Variants in NHEJ1 observed in about 807,000 individuals in gnomAD.
NHEJ1 encodes the protein non-homologous end-joining factor 1.
Under a neutral mutation model 39.4 loss-of-function variants are expected in NHEJ1, and 22 were observed. That is an observed-to-expected ratio of 0.56 (90% CI 0.40 to 0.80). The LOEUF is 0.80. Ranked by LOEUF, NHEJ1 falls within the 30% of genes least tolerant of loss-of-function variation. The probability of loss-of-function intolerance (pLI) is 0.00; values close to 1 mark genes in which losing one functional copy is unlikely to be tolerated. For synonymous variants in NHEJ1, 154 were observed against 135.6 expected (o/e 1.14, Z -0.94); for missense variants, 329 against 357.1 (o/e 0.92, Z 0.63).
In NHEJ1 at chr2:219,070,723, C is replaced by T. The variant is rs989721546; in HGVS notation, c.*5658G>A. On this transcript the variant is annotated 3_prime_UTR_variant, in exon 8 of 8. Transcript: ENST00000356853. ...TCAAAATACCATTGTACAGCTTATC[C>T]TTCTGAAATGATCTATTCCCTTTGT... 6.6e-6 allele frequency among the ~76,000 whole-genome samples: 1 copy of T among 151,870 alleles called. No individual in the cohort carries two copies. The highest frequency in any genetic ancestry group is 2.4e-5 in the African/African-American group (1 of 41,348).
chr2:219,091,214 C>G (rs10197172), intron 5 of NHEJ1, among the ~76,000 whole-genome samples: 15,938 of 152,070 alleles, frequency 0.1, 844 homozygotes, highest in East Asian at 0.14. Flanking sequence ...TAGATAGGAG[C>G]CTTTGGCTGC....
intron 5 of NHEJ1, among the ~76,000 whole-genome samples, chr2:219,116,518 G>A (rs1574721848): frequency 6.6e-6 from 1 of 152,114 alleles, no homozygotes; most frequent in South Asian, 2.1e-4. Flanking sequence ...CACCACACCT[G>A]GCTAATTTTT....
At position 219,147,857 on chromosome 2, in the gene NHEJ1, T is replaced by G; in HGVS notation, c.391-62A>C. ...TTATAAAGTACTTTCCAATTCAGTA[T>G]TAGGTACCAGAAAAAATACCGAAAA... On this transcript the variant is annotated intron_variant, in intron 3 of 7. Transcript: ENST00000356853. The G allele has an allele frequency of 7.2e-6, 11 of 1,534,648 alleles. 1 individual carries two copies. In the South Asian group the frequency reaches 1.2e-4, roughly 17 times the overall value.
At position 219,072,953 on chromosome 2, in the gene NHEJ1, C is replaced by G. The variant is rs891196468; in HGVS notation, c.*3428G>C. On this transcript the variant is annotated 3_prime_UTR_variant, in exon 8 of 8. Transcript: ENST00000356853. The stretch of plus-strand genomic sequence containing the variant: ...AGCTTTGTACAGAGTACACAAGGGG[C>G]CCCTGCTTATCTCCCAACAAACGTG... 9.2e-5 allele frequency among the ~76,000 whole-genome samples: 14 copies of G among 152,156 alleles called. No individual in the cohort carries two copies. Among genetic ancestry groups the G allele is most frequent in the African/African-American group, 3.4e-4 (14 of 41,428 alleles).
chr2:219,116,942 C>T (rs567008103), intron 5 of NHEJ1, among the ~76,000 whole-genome samples: 1 of 152,212 alleles, frequency 6.6e-6, no homozygotes, highest in East Asian at 1.9e-4. Context: ...CATGTCACAG[C>T]CTGCAGTGAA....
intron 5 of NHEJ1, among the ~76,000 whole-genome samples, chr2:219,119,028 A>C (rs941054376): frequency 6.6e-6 from 1 of 152,198 alleles, no homozygotes; most frequent in Non-Finnish European, 1.5e-5. Context: ...CTCAGGACCA[A>C]CAAACCTCTA....
At chr2:219,106,382 A>C (rs947949567) in intron 5 of NHEJ1, among the ~76,000 whole-genome samples, 1 of 152,216 alleles carries the variant, frequency 6.6e-6, no homozygotes, top group Non-Finnish European at 1.5e-5. Context: ...GTCTGAGACT[A>C]GACATGATAA....
chr2:219,110,345 G>A (rs1011872367), intron 5 of NHEJ1, among the ~76,000 whole-genome samples: 4 of 151,850 alleles, frequency 2.6e-5, no homozygotes, highest in Non-Finnish European at 5.9e-5. Context: ...GAAAAATCCC[G>A]TCTCTACAAA....
chr2:219,154,733 C>A (rs1949833314), intron 3 of NHEJ1, among the ~76,000 whole-genome samples: 1 of 151,834 alleles, frequency 6.6e-6, no homozygotes, highest in African/African-American at 2.4e-5. Context: ...AATCTAATTT[C>A]TTCCTATGGC....
chr2:219,115,592 ACT>A (rs773049132), intron 5 of NHEJ1, among the ~76,000 whole-genome samples: 1 of 152,156 alleles, frequency 6.6e-6, no homozygotes, highest in Non-Finnish European at 1.5e-5. Context: ...AACAGATATA[ACT>A]CTGACCTAAA....
chr2:219,137,496 C>T (rs931743493), intron 5 of NHEJ1, among the ~76,000 whole-genome samples: 1 of 145,782 alleles, frequency 6.9e-6, no homozygotes, highest in Non-Finnish European at 1.5e-5. Context: ...GAGATGTGTC[C>T]CCACTTGAGA....
At chr2:219,137,647 T>G (rs1383411620) in intron 5 of NHEJ1, among the ~76,000 whole-genome samples, 2 of 143,792 alleles carry the variant, frequency 1.4e-5, no homozygotes, top group Admixed American at 7.0e-5. Flanking sequence ...CAGCCCAACA[T>G]TTAAGGCCCC....
At chr2:219,086,507 C>G (rs779378635) in intron 5 of NHEJ1, among the ~76,000 whole-genome samples, 1 of 152,142 alleles carries the variant, frequency 6.6e-6, no homozygotes, top group Non-Finnish European at 1.5e-5. Context: ...CCAAAGAGCT[C>G]AAGAGGCTGA....
rs904329723 is a variant in NHEJ1, at chr2:219,074,051, C to T, written c.*2330G>A. ...TACCCCTAGCTTTGCGGGGTAAGGG[C>T]TTCGGGGCAAGAATGCCTGTGGCAG... On this transcript the variant is annotated 3_prime_UTR_variant, in exon 8 of 8. Transcript: ENST00000356853. 6.6e-6 allele frequency among the ~76,000 whole-genome samples: 1 copy of T among 152,232 alleles called. No individual in the cohort carries two copies. The highest frequency in any genetic ancestry group is 1.5e-5 in the Non-Finnish European group (1 of 68,042).
chr2:219,140,283 T>C (rs1409947398), intron 5 of NHEJ1, among the ~76,000 whole-genome samples: 2 of 152,230 alleles, frequency 1.3e-5, no homozygotes, highest in African/African-American at 4.8e-5. Context: ...TTATAGGCCA[T>C]GGTAAAGTCT....
At chr2:219,077,475 T>G (rs987174025) in intron 6 of NHEJ1, 111 bp from the exon 7 acceptor site, 22 of 879,654 alleles carry the variant, frequency 2.5e-5, no homozygotes, top group Non-Finnish European at 4.0e-5. Context: ...TACAAATATA[T>G]AAGCAGACAG....
chr2:219,099,427 T>C (rs1258789888), intron 5 of NHEJ1, among the ~76,000 whole-genome samples: 1 of 152,196 alleles, frequency 6.6e-6, no homozygotes, highest in Admixed American at 6.5e-5. Flanking sequence ...CTCTAGGGTA[T>C]GTCCAGAGAA....
At chr2:219,132,309 G>C (rs1238344622) in intron 5 of NHEJ1, among the ~76,000 whole-genome samples, 1 of 152,098 alleles carries the variant, frequency 6.6e-6, no homozygotes, top group Non-Finnish European at 1.5e-5. Context: ...CAAATTTAGG[G>C]GGGGATACTC....
chr2:219,153,556 G>A (rs1038929360), intron 3 of NHEJ1, among the ~76,000 whole-genome samples: 1 of 152,184 alleles, frequency 6.6e-6, no homozygotes, highest in Non-Finnish European at 1.5e-5. Context: ...CCAGAGACCT[G>A]GGGCCAAGCA....
Sources: gnomAD v4.1 joint callset for allele counts (sites outside exome capture counted in the v4.1 genomes callset) on GRCh38, gnomAD v4.1.1 for gene constraint, MANE v1.5 for transcripts, NCBI Gene and HGNC (gene_info 2026-07-23, HGNC 2026-07-21) for gene names.